The following PCNT variants were observed in gnomAD, a reference collection of about 807,000 sequenced individuals.
PCNT encodes the protein kendrin.
Under a neutral mutation model 380.4 loss-of-function variants are expected in PCNT, and 319 were observed. The ratio of observed to expected loss-of-function variants is 0.84; its 90% CI spans 0.77 to 0.92. PCNT has a LOEUF of 0.92. Among genes scored for constraint, PCNT ranks in the 40% least tolerant of loss-of-function variants. The pLI, the probability that PCNT is intolerant of heterozygous loss-of-function variation, is 0.00. For missense variants in PCNT, 4,400 were observed against 4,255.3 expected (o/e 1.03, Z -0.95); for synonymous variants, 1,845 against 1,735.2 (o/e 1.06, Z -1.57).
chr21:46,420,722 CAT>C (rs2087216218), intron 31 of PCNT: 1 of 153,016 alleles, frequency 6.5e-6, no homozygotes, highest in Non-Finnish European at 1.5e-5. Context: ...GCTGGGCACC[CAT>C]GTCTCGGTGG....
chr21:46,397,501 A>T lies in PCNT; in HGVS notation c.4446+7A>T, dbSNP rs977814739. The T allele has an allele frequency of 5.6e-6, 9 of 1,605,414 alleles. No homozygotes were observed. The highest frequency in any genetic ancestry group is 1.7e-6 in the Non-Finnish European group (2 of 1,172,558). On this transcript the variant is annotated splice_region_variant and intron_variant, in intron 22 of 46. Coordinates refer to ENST00000359568, the MANE Select transcript of PCNT (RefSeq NM_006031.6). ...CCAGCGGCAATTCATGGATGTAAGA[A>T]TTCTGAATAATACATTTTTTTGCAT...
chr21:46,353,523 TTGG>T (rs1241297828), intron 10 of PCNT, among the ~76,000 whole-genome samples, 197 bp downstream of exon 10: 2 of 151,602 alleles, frequency 1.3e-5, no homozygotes, highest in East Asian at 3.9e-4. Flanking sequence ...GTGCGAGCCA[TTGG>T]TGGCCACACT....
intron 10 of PCNT, among the ~76,000 whole-genome samples, 171 bp from the exon 11 acceptor site, chr21:46,353,816 G>A (rs1032537963): frequency 5.3e-5 from 8 of 151,898 alleles, no homozygotes; most frequent in East Asian, 1.9e-4. Flanking sequence ...TCCCTGTGCC[G>A]TGTCTCTGGC....
chr21:46,430,549 T>G lies in PCNT; in HGVS notation c.7956T>G (p.Leu2652=), dbSNP rs1331698023. 2 of 1,556,420 alleles carry G rather than the reference T, an allele frequency of 1.3e-6. No individual in the cohort carries two copies. The part of the protein sequence containing the change: ...SSKENELKAA[L]QELESEQGKG... ...AGGAGAACGAGCTGAAGGCCGCGCT[T>G]CAGGAGCTGGAGAGTGAGCAGGGGA... Residue 2652 remains leucine, a synonymous_variant, in exon 37 of 47, where the codon CTT becomes CTG. Coordinates refer to ENST00000359568, the MANE Select transcript of PCNT (RefSeq NM_006031.6).
intron 1 of PCNT, chr21:46,324,806 T>TGGCGCGGGTGGCCTGCAGCGC: frequency 1.1e-6 from 1 of 878,492 alleles, no homozygotes; most frequent in Non-Finnish European, 1.4e-6. Context: ...GCCGGGGGCG[T>TGGCGCGGGTGGCCTGCAGCGC]GGCGCGGGTG....
chr21:46,391,611 G>A (rs896455596), intron 21 of PCNT, among the ~76,000 whole-genome samples: 2 of 152,162 alleles, frequency 1.3e-5, no homozygotes, highest in African/African-American at 4.8e-5. Flanking sequence ...TGGTTGGAGG[G>A]TCCCCACCTC....
intron 9 of PCNT, 39 bp downstream of exon 9, chr21:46,351,579 T>C (rs757519201): frequency 1.7e-6 from 2 of 1,160,658 alleles, no homozygotes; most frequent in Non-Finnish European, 2.6e-6. Flanking sequence ...CCTCAAAAGC[T>C]GAAGCTGTGT....
intron 4 of PCNT, 130 bp downstream of exon 4, chr21:46,346,338 T>C: frequency 2.5e-6 from 2 of 795,236 alleles, no homozygotes; most frequent in Non-Finnish European, 4.1e-6. Context: ...TTCCACGTTC[T>C]GTGTGTGGGG....
intron 3 of PCNT, among the ~76,000 whole-genome samples, chr21:46,342,864 T>C (rs1248795861): frequency 6.6e-6 from 1 of 152,210 alleles, no homozygotes; most frequent in Non-Finnish European, 1.5e-5. Flanking sequence ...TGGTTTCCCT[T>C]GTAGAGATTT....
At chr21:46,390,927 A>T in intron 20 of PCNT, 95 bp downstream of exon 20, 2 of 1,431,458 alleles carry the variant, frequency 1.4e-6, no homozygotes, top group Non-Finnish European at 1.9e-6. Flanking sequence ...TAGGGTTTTT[A>T]AAGTGAAATG....
intron 3 of PCNT, among the ~76,000 whole-genome samples, chr21:46,338,966 G>A (rs12626819): frequency 6.6e-6 from 1 of 152,132 alleles, no homozygotes; most frequent in Non-Finnish European, 1.5e-5. Flanking sequence ...ATTTCTAGTA[G>A]AGACGGGGTT....
intron 43 of PCNT, 152 bp from the exon 44 acceptor site, chr21:46,442,345 C>T: frequency 1.4e-6 from 1 of 689,932 alleles, no homozygotes; most frequent in Non-Finnish European, 2.6e-6. Flanking sequence ...GCATGCCAGG[C>T]CCGAGTCAAC....
chr21:46,330,173 A>G (rs1409193267), intron 2 of PCNT, among the ~76,000 whole-genome samples: 1 of 151,962 alleles, frequency 6.6e-6, no homozygotes, highest in East Asian at 1.9e-4. Flanking sequence ...GCTGGAGTGC[A>G]GTGGCGCAAT....
intron 1 of PCNT, chr21:46,325,072 G>C: frequency 2.0e-6 from 2 of 985,500 alleles, no homozygotes; most frequent in Non-Finnish European, 2.4e-6. Flanking sequence ...GGGTTTCTCC[G>C]TGAAAAAGCG....
chr21:46,330,245 GT>G (rs1319844883), intron 2 of PCNT, among the ~76,000 whole-genome samples: 1 of 151,864 alleles, frequency 6.6e-6, no homozygotes, highest in Admixed American at 6.6e-5. Context: ...AGCCTCCCTA[GT>G]ACCTGGGACT....
intron 3 of PCNT, among the ~76,000 whole-genome samples, chr21:46,343,850 G>T (rs765827595): frequency 1.3e-5 from 2 of 152,082 alleles, no homozygotes; most frequent in African/African-American, 2.4e-5. Flanking sequence ...ATCTCGAAGG[G>T]ATGTATATTT....
chr21:46,402,948 C>CT (rs1338217389), intron 27 of PCNT, among the ~76,000 whole-genome samples: 1 of 152,140 alleles, frequency 6.6e-6, no homozygotes, highest in African/African-American at 2.4e-5. Flanking sequence ...ATTAAAAAAT[C>CT]TATTTTTAAA....
intron 45 of PCNT, among the ~76,000 whole-genome samples, chr21:46,444,361 AG>A (rs2053694546): frequency 6.6e-6 from 1 of 152,180 alleles, no homozygotes; most frequent in South Asian, 2.1e-4. Flanking sequence ...TGAGTGGGGC[AG>A]GTATCACCCT....
Position 46,418,261 on chromosome 21 carries a change from T to A in PCNT, c.6979T>A (p.Ser2327Thr). 1 of 1,610,050 alleles carries A rather than the reference T, an allele frequency of 6.2e-7. No homozygotes were observed. Among genetic ancestry groups the A allele is most frequent in the Non-Finnish European group, 8.5e-7 (1 of 1,176,264 alleles). Residue 2327 changes from serine to threonine, a missense_variant, in exon 31 of 47, where the codon TCA becomes ACA. Coordinates refer to ENST00000359568, the MANE Select transcript of PCNT (RefSeq NM_006031.6). ...CTTTGATTCTCAAGAAACATTAAGT[T>A]CACCTCCTCCTGGATTAGAAGGAAA... is the stretch of plus-strand genomic sequence containing the variant. ...TSFDSQETLS[S>T]PPPGLEGKAD...
Sources: gnomAD v4.1 joint callset for allele counts (sites outside exome capture counted in the v4.1 genomes callset) on GRCh38, gnomAD v4.1.1 for gene constraint, MANE v1.5 for transcripts, NCBI Gene and HGNC (gene_info 2026-07-23, HGNC 2026-07-21) for gene names.